AKAP19: variants seen among roughly 807,000 people sequenced by gnomAD.
AKAP19 encodes the protein A-kinase anchoring protein 19, also known as small A-kinase anchoring protein.
At chr2:189,968,593 G>T in the AKAP19 span, among the ~76,000 whole-genome samples, 7 of 152,000 alleles carry the variant, frequency 4.6e-5, no homozygotes, top group Non-Finnish European at 7.4e-5. Context: ...AGATTGTCTG[G>T]GATAAACAAA....
At chr2:189,905,870 G>A in the AKAP19 span, among the ~76,000 whole-genome samples, 2 of 151,956 alleles carry the variant, frequency 1.3e-5, no homozygotes. Flanking sequence ...TAGCAATTTG[G>A]TTTGCCTTTT....
At chr2:189,939,075 T>C in the AKAP19 span, among the ~76,000 whole-genome samples, 43 of 152,098 alleles carry the variant, frequency 2.8e-4, 1 homozygote, top group East Asian at 5.8e-4. Context: ...ACAGGAAGCA[T>C]TGGGAGTGTG....
At chr2:190,079,001 A>T in the AKAP19 span, among the ~76,000 whole-genome samples, 1 of 143,780 alleles carries the variant, frequency 7.0e-6, no homozygotes, top group Admixed American at 6.9e-5. Flanking sequence ...TAACTATGAA[A>T]AAAAACATTT....
At chr2:189,959,042 G>A in the AKAP19 span, among the ~76,000 whole-genome samples, 104,627 of 151,762 alleles carry the variant, frequency 0.69, 37,004 homozygotes, top group East Asian at 0.87. Flanking sequence ...CTCAGGAAGG[G>A]GTACACAGGA....
the AKAP19 span, among the ~76,000 whole-genome samples, chr2:190,053,165 G>A: frequency 6.6e-6 from 1 of 152,142 alleles, no homozygotes; most frequent in Admixed American, 6.5e-5. Flanking sequence ...AGTACTTAGT[G>A]TAATGTTAAA....
chr2:190,103,809 T>C, the AKAP19 span, among the ~76,000 whole-genome samples: 1 of 152,202 alleles, frequency 6.6e-6, no homozygotes, highest in African/African-American at 2.4e-5. Context: ...ACCAATGTCA[T>C]TTTTCACAGA....
chr2:189,976,096 C>T, the AKAP19 span, among the ~76,000 whole-genome samples: 8 of 152,080 alleles, frequency 5.3e-5, no homozygotes, highest in Admixed American at 1.3e-4. Flanking sequence ...GTTTTTTCCC[C>T]ATCTTTGTGG....
chr2:190,202,494 A>T, the AKAP19 span: 2 of 167,226 alleles, frequency 1.2e-5, no homozygotes, highest in African/African-American at 4.8e-5. Context: ...ATTACATGTG[A>T]TAGTTATCAT....
the AKAP19 span, among the ~76,000 whole-genome samples, chr2:190,073,906 C>G: frequency 2.0e-5 from 3 of 151,950 alleles, no homozygotes; most frequent in Non-Finnish European, 2.9e-5. Flanking sequence ...CAAAAATTAG[C>G]CGGGTGTGGT....
chr2:190,193,894 C>T, the AKAP19 span, among the ~76,000 whole-genome samples: 4 of 151,950 alleles, frequency 2.6e-5, no homozygotes, highest in Non-Finnish European at 5.9e-5. Context: ...CTGATTTAAA[C>T]TTTTCTTCTT....
chr2:189,907,171 T>C, the AKAP19 span, among the ~76,000 whole-genome samples: 1 of 152,188 alleles, frequency 6.6e-6, no homozygotes, highest in African/African-American at 2.4e-5. Context: ...CCAGTGACTT[T>C]GTCACAGTGA....
the AKAP19 span, among the ~76,000 whole-genome samples, chr2:189,943,732 C>G: frequency 6.6e-6 from 1 of 152,216 alleles, no homozygotes; most frequent in Non-Finnish European, 1.5e-5. Flanking sequence ...GTGGAGCTCC[C>G]AAGGCCTTTG....
chr2:189,973,556 G>C, the AKAP19 span, among the ~76,000 whole-genome samples: 4 of 152,048 alleles, frequency 2.6e-5, no homozygotes, highest in Non-Finnish European at 4.4e-5. Flanking sequence ...TTCAGAAGGA[G>C]TGGTACCAGT....
chr2:190,034,318 G>A, the AKAP19 span, among the ~76,000 whole-genome samples: 1 of 151,612 alleles, frequency 6.6e-6, no homozygotes, highest in East Asian at 1.9e-4. Context: ...TCTAATGAAC[G>A]TACTTTTAAA....
the AKAP19 span, among the ~76,000 whole-genome samples, chr2:189,974,179 G>C: frequency 3.3e-5 from 5 of 152,014 alleles, no homozygotes; most frequent in Non-Finnish European, 5.9e-5. Flanking sequence ...GGTATGTTGT[G>C]TCTTTGTTCT....
chr2:190,060,094 C>T, the AKAP19 span: 1 of 1,612,580 alleles, frequency 6.2e-7, no homozygotes, highest in South Asian at 1.1e-5. Flanking sequence ...GGGAAGGTTA[C>T]AGCAAGATCA....
the AKAP19 span, among the ~76,000 whole-genome samples, chr2:190,148,660 T>C: frequency 0.92 from 139,932 of 152,216 alleles, 65,059 homozygotes; most frequent in East Asian, 1. Flanking sequence ...TGGTAATTTT[T>C]AAATTACCAT....
chr2:190,075,990 T>A, the AKAP19 span, among the ~76,000 whole-genome samples: 1 of 152,232 alleles, frequency 6.6e-6, no homozygotes, highest in Non-Finnish European at 1.5e-5. Context: ...AGATATTTTT[T>A]AATTATCATA....
the AKAP19 span, among the ~76,000 whole-genome samples, chr2:189,924,437 C>T: frequency 3.3e-5 from 5 of 152,074 alleles, no homozygotes; most frequent in African/African-American, 1.2e-4. Context: ...TTAAGTCTTA[C>T]CCTGTAATTT....
Sources: allele counts gnomAD v4.1 joint callset (sites outside exome capture counted in the v4.1 genomes callset), GRCh38; gene constraint gnomAD v4.1.1; transcripts MANE v1.5; gene names NCBI Gene and HGNC (gene_info 2026-07-23, HGNC 2026-07-21).